The following RBFOX2 variants were observed in gnomAD, a reference collection of about 807,000 sequenced individuals.
RBFOX2 encodes the protein RNA binding protein fox-1 homolog 2.
A neutral mutation model predicts 49.1 loss-of-function variants in RBFOX2; 10 were observed. The ratio of observed to expected loss-of-function variants is 0.20; its 90% CI spans 0.13 to 0.35. The LOEUF (loss-of-function observed/expected upper bound fraction) is 0.35, where lower values mean the gene tolerates loss of function less well. RBFOX2 is among the 10% of genes least tolerant of loss of function. The pLI, the probability that RBFOX2 is intolerant of heterozygous loss-of-function variation, is 1.00. For missense variants in RBFOX2, 323 were observed against 486.9 expected (o/e 0.66, Z 3.17); for synonymous variants, 183 against 187.4 (o/e 0.98, Z 0.19).
At chr22:35,881,323 CTCA>C (rs796692603) in intron 1 of RBFOX2, among the ~76,000 whole-genome samples, 29 of 152,040 alleles carry the variant, frequency 1.9e-4, no homozygotes, top group African/African-American at 6.8e-4. Context: ...CGCCTATAAT[CTCA>C]GCACTTTGGG....
intron 1 of RBFOX2, among the ~76,000 whole-genome samples, chr22:35,903,092 C>T (rs1039385080): frequency 3.3e-5 from 5 of 152,146 alleles, no homozygotes; most frequent in African/African-American, 1.2e-4. Flanking sequence ...GACCCCTCAT[C>T]TCCCTCCAGC....
upstream of RBFOX2, among the ~76,000 whole-genome samples, chr22:35,941,854 T>G (rs2149769730): frequency 6.6e-6 from 1 of 152,356 alleles, no homozygotes; most frequent in Non-Finnish European, 1.5e-5. Flanking sequence ...TCCACCTGCC[T>G]TAGCACTCTT....
In RBFOX2 at chr22:35,906,764, A is replaced by C. The variant is rs565546789; in HGVS notation, c.-34+32083T>G. Among the ~76,000 whole-genome samples, 10 of 152,298 alleles carry C rather than the reference A, an allele frequency of 6.6e-5. No individual in the cohort carries two copies. The South Asian group carries it at 1.9e-3, about 28-fold the overall frequency. On this transcript the variant is annotated intron_variant, in intron 1 of 13. Coordinates refer to the RBFOX2 transcript ENST00000359369. ...CAGGAAGTGGAGGCTGCAGTGAGCC[A>C]AGATCACGCCACTGCATCCCAGCCT...
intron 2 of RBFOX2, among the ~76,000 whole-genome samples, chr22:35,782,446 C>T (rs1945364616): frequency 6.6e-6 from 1 of 152,100 alleles, no homozygotes; most frequent in Non-Finnish European, 1.5e-5. Flanking sequence ...CTCAGCCTCC[C>T]GAGTAGCTGG....
At chr22:36,026,665 G>A (rs2059451681) in intron 1 of RBFOX2, among the ~76,000 whole-genome samples, 2 of 151,952 alleles carry the variant, frequency 1.3e-5, no homozygotes, top group South Asian at 4.2e-4. Context: ...CCACATTCCT[G>A]TCTTTTTTGC....
intron 1 of RBFOX2, among the ~76,000 whole-genome samples, chr22:35,856,042 C>T (rs2042474201): frequency 6.6e-6 from 1 of 151,622 alleles, no homozygotes. Context: ...ACACTTAGCA[C>T]ACTTAGAATG....
chr22:35,856,891 G>A (rs1220851440), intron 1 of RBFOX2, among the ~76,000 whole-genome samples: 1 of 152,042 alleles, frequency 6.6e-6, no homozygotes, highest in Non-Finnish European at 1.5e-5. Context: ...AATTAGCCAG[G>A]CGTGGCCACG....
chr22:35,951,773 T>C (rs1367091606), intron 1 of RBFOX2, among the ~76,000 whole-genome samples: 2 of 152,186 alleles, frequency 1.3e-5, no homozygotes, highest in Non-Finnish European at 2.9e-5. Context: ...AGAAAAACTA[T>C]ACAATTTTTC....
chr22:35,872,882 C>G (rs938103471), intron 1 of RBFOX2, among the ~76,000 whole-genome samples: 8 of 152,270 alleles, frequency 5.3e-5, no homozygotes, highest in Admixed American at 3.3e-4. Flanking sequence ...AGCTGGAGTG[C>G]CTCTACTCAC....
At chr22:35,812,897 C>T (rs1952203364) in intron 1 of RBFOX2, among the ~76,000 whole-genome samples, 1 of 152,206 alleles carries the variant, frequency 6.6e-6, no homozygotes, top group Non-Finnish European at 1.5e-5. Context: ...CTCAACAGGG[C>T]TGACTCAGAT....
intron 10 of RBFOX2, 54 bp downstream of exon 12, chr22:35,746,419 T>G: frequency 3.6e-6 from 5 of 1,401,316 alleles, no homozygotes; most frequent in Non-Finnish European, 4.9e-6. Context: ...GGTGACATTT[T>G]GGGATGGAAC....
chr22:35,843,042 G>C (rs1287121582), upstream of RBFOX2, among the ~76,000 whole-genome samples: 2 of 152,138 alleles, frequency 1.3e-5, no homozygotes, highest in Non-Finnish European at 2.9e-5. Flanking sequence ...CTCATAGTGA[G>C]GTCTGACTGG....
intron 1 of RBFOX2, chr22:35,821,665 T>C: frequency 2.0e-6 from 1 of 500,468 alleles, no homozygotes; most frequent in Non-Finnish European, 3.9e-6. Context: ...CTGTCAGTCC[T>C]TTGAGGACTG....
rs559610161 is a variant in RBFOX2, at chr22:35,814,744, AAAGAAAAAAGTGTC to A, written c.28-4754_28-4741del. On this transcript the variant is annotated intron_variant, in intron 1 of 11. Coordinates refer to ENST00000405409, the Ensembl canonical transcript of RBFOX2. ...AAAAAAAAAAAAAAAAAAGAAAAGAAAAGAAAAAAGTGTCAAGAAAAAAGAGTCTGGTCAGGCCA... is the reference window on the plus strand; with the variant it reads ...AAAAAAAAAAAAAAAAAAGAAAAGAAAAGAAAAAAGAGTCTGGTCAGGCCA... Among the ~76,000 whole-genome samples the A allele has an allele frequency of 2.4e-3, 365 of 150,858 alleles. 2 individuals are homozygous for A. Among genetic ancestry groups the A allele is most frequent in the Admixed American group, 4.2e-3 (63 of 15,114 alleles).
chr22:35,985,026 A>G (rs1362294218), intron 1 of RBFOX2, among the ~76,000 whole-genome samples: 1 of 152,208 alleles, frequency 6.6e-6, no homozygotes, highest in Non-Finnish European at 1.5e-5. Context: ...TTAAAATTCC[A>G]GATGATGCGA....
intron 1 of RBFOX2, among the ~76,000 whole-genome samples, chr22:36,009,963 T>G (rs2058752925): frequency 6.6e-6 from 1 of 152,192 alleles, no homozygotes; most frequent in Admixed American, 6.5e-5. Flanking sequence ...ATGCTGGTAC[T>G]TCTTCCGCTC....
intron 1 of RBFOX2, chr22:35,998,175 A>G (rs2058267782): frequency 6.6e-6 from 1 of 152,140 alleles, no homozygotes; most frequent in Non-Finnish European, 1.5e-5. Flanking sequence ...TTTATATTAT[A>G]TATAGTTTTA....
chr22:35,867,930 G>A (rs1484829017), intron 1 of RBFOX2, among the ~76,000 whole-genome samples: 1 of 152,118 alleles, frequency 6.6e-6, no homozygotes, highest in Non-Finnish European at 1.5e-5. Flanking sequence ...AACCAGTTCT[G>A]CCAGGCACAG....
chr22:35,947,918 T>C lies in RBFOX2; in HGVS notation c.43-9021A>G, dbSNP rs576318438. 2.6e-5 allele frequency among the ~76,000 whole-genome samples: 4 copies of C among 152,290 alleles called. No individual in the cohort carries two copies. In the South Asian group the frequency reaches 8.3e-4, roughly 32 times the overall value. On this transcript the variant is annotated intron_variant, in intron 1 of 5. Transcript: ENST00000408983. ...GTAAAAATTTAGCGTAGCCTAAGTG[T>C]ACAGTGTTGATAAAGTCAACAGTAG...
Sources: gnomAD v4.1 joint callset for allele counts (sites outside exome capture counted in the v4.1 genomes callset) on GRCh38, gnomAD v4.1.1 for gene constraint, MANE v1.5 for transcripts, NCBI Gene and HGNC (gene_info 2026-07-23, HGNC 2026-07-21) for gene names.